Variants in PATL1 observed in about 807,000 individuals in gnomAD.
PATL1 encodes the protein PAT1 homolog 1, processing body mRNA decay factor.
PATL1 carries 32 observed loss-of-function variants against 100.6 expected under a neutral mutation model. That is an observed-to-expected ratio of 0.32 (90% CI 0.24 to 0.43). The LOEUF is 0.43. Among genes scored for constraint, PATL1 ranks in the 20% least tolerant of loss-of-function variants. PATL1 has a pLI of 1.00. For missense variants in PATL1, 747 were observed against 949.9 expected, an observed-to-expected ratio of 0.79 and a Z score of 2.81; for synonymous variants, 332 against 330.0, an observed-to-expected ratio of 1.01 and a Z score of -0.07.
chr11:59,668,851 G>T, intron 1 of PATL1, 30 bp downstream of exon 1: 16 of 1,188,720 alleles, frequency 1.3e-5, no homozygotes, highest in Non-Finnish European at 1.7e-5. Context: ...GGGAGGGAGG[G>T]AGGGGTCACT....
intron 4 of PATL1, among the ~76,000 whole-genome samples, chr11:59,658,345 T>A (rs1861570257): frequency 6.6e-6 from 1 of 150,582 alleles, no homozygotes; most frequent in Non-Finnish European, 1.5e-5. Flanking sequence ...TGAGACAGAG[T>A]CTCACTCTGT....
chr11:59,656,866 G>C (rs1021008091), intron 5 of PATL1, among the ~76,000 whole-genome samples: 2 of 152,200 alleles, frequency 1.3e-5, no homozygotes, highest in Admixed American at 1.3e-4. Context: ...GATACCAGCA[G>C]ATATTCTGAC....
intron 12 of PATL1, among the ~76,000 whole-genome samples, chr11:59,651,245 C>T (rs1311216121): frequency 1.3e-5 from 2 of 152,112 alleles, no homozygotes; most frequent in Non-Finnish European, 2.9e-5. Flanking sequence ...TCCTGAAAAT[C>T]TTAAAACACA....
intron 9 of PATL1, 59 bp from the exon 10 acceptor site, chr11:59,653,077 C>A: frequency 2.1e-6 from 3 of 1,408,196 alleles, no homozygotes. Flanking sequence ...TTTTTAACAA[C>A]AGAGGAATAA....
rs1364144100 is a variant in PATL1, at chr11:59,655,731, C to T, written c.823G>A (p.Gly275Arg). The change falls in exon 8 of 19, where the codon GGA (glycine) becomes AGA (arginine). Residue 275 changes from glycine (G) to arginine (R), a missense_variant. Gly to Arg is a moderately radical substitution (Grantham distance 125). Around this residue, in one of 4 missense-constraint regions of PATL1, gnomAD observed 127 missense variants for 116.0 expected, o/e 1.09. Coordinates refer to ENST00000300146, the MANE Select transcript of PATL1 (RefSeq NM_152716.3). ...GCAAACTGGCTGGGAGACATCCGTCCAGGCTGTAGCTACAAAGAGGAAGAA... is the reference window on the plus strand; with the variant it reads ...GCAAACTGGCTGGGAGACATCCGTCTAGGCTGTAGCTACAAAGAGGAAGAA... ...QLLGGAQLQP[G>R]RMSPSQFARV... The T allele has an allele frequency of 3.1e-6, 5 of 1,590,564 alleles. No individual in the cohort carries two copies. The highest frequency in any genetic ancestry group is 4.3e-6 in the Non-Finnish European group (5 of 1,168,302).
chr11:59,656,098 A>G (rs1861528347), intron 6 of PATL1, 53 bp from the exon 7 acceptor site: 7 of 1,074,138 alleles, frequency 6.5e-6, no homozygotes, highest in African/African-American at 1.6e-5. Flanking sequence ...CAGGGGGTAC[A>G]TCATAATAAG....
chr11:59,645,363 A>G, intron 15 of PATL1, among the ~76,000 whole-genome samples: 1 of 142,216 alleles, frequency 7.0e-6, no homozygotes, highest in East Asian at 2.0e-4. Flanking sequence ...GCGGCCAGGC[A>G]GAGGTGCCCC....
rs746089908 is a variant in PATL1 at position 59,658,163 on chromosome 11, C to CA, written c.427-440dup. ...TGGTTGACACAGCAAGACCTGGTCTCAAAAAAAAAAAAAAGAAAGAAAGAG... is the reference window on the plus strand; with the variant it reads ...TGGTTGACACAGCAAGACCTGGTCTCAAAAAAAAAAAAAAAGAAAGAAAGAG... On this transcript the variant is annotated intron_variant, in intron 4 of 18. Coordinates refer to ENST00000300146, the MANE Select transcript of PATL1 (RefSeq NM_152716.3). Among the ~76,000 whole-genome samples the CA allele has an allele frequency of 1.4e-3, 155 of 107,898 alleles. 1 individual carries two copies. Among genetic ancestry groups the CA allele is most frequent in the Middle Eastern group, 9.1e-3 (2 of 220 alleles). 70.8% of individuals were successfully genotyped at this position (107,898 alleles called of 152,430 possible).
chr11:59,667,038 A>C, intron 1 of PATL1, 74 bp from the exon 2 acceptor site: 1 of 1,487,512 alleles, frequency 6.7e-7, no homozygotes, highest in Non-Finnish European at 8.9e-7. Flanking sequence ...AAAAATGTTC[A>C]TCTTACCTTC....
chr11:59,651,532 G>A lies in PATL1; in HGVS notation c.1524+12C>T. On this transcript the variant is annotated intron_variant, in intron 12 of 18. Transcript: ENST00000300146. The stretch of plus-strand genomic sequence containing the variant: ...CAGACGTTCTTAAACAGACAATTGT[G>A]TTGACACTTACATCATCCTCACTCC... The A allele has an allele frequency of 6.3e-7, 1 of 1,587,832 alleles. No homozygotes were observed.
intron 14 of PATL1, among the ~76,000 whole-genome samples, chr11:59,648,801 G>A (rs1034463486): frequency 4.6e-5 from 7 of 152,064 alleles, no homozygotes; most frequent in Admixed American, 2.6e-4. Context: ...CTCCAGACAC[G>A]GTGTGTTGAA....
chr11:59,647,810 G>A lies in PATL1; in HGVS notation c.1837C>T (p.Leu613Phe), dbSNP rs1205677053. Residue 613 changes from leucine to phenylalanine, a missense_variant, in exon 15 of 19, where the codon CTC (leucine) becomes TTC (phenylalanine). Coordinates refer to ENST00000300146, the MANE Select transcript of PATL1 (RefSeq NM_152716.3). ...FLSTEQAADI[L>F]MTTARNLPFL... is the part of the protein sequence containing the mutation. ...GGGAGGTTCCTGGCTGTTGTCATGAGAATGTCAGCTGCTTGCTCTGTGGAG... is the reference window on the plus strand; with the variant it reads ...GGGAGGTTCCTGGCTGTTGTCATGAAAATGTCAGCTGCTTGCTCTGTGGAG... The A allele has an allele frequency of 2.4e-5, 39 of 1,613,826 alleles. No homozygotes were observed. Among genetic ancestry groups the A allele is most frequent in the Non-Finnish European group, 3.2e-5 (38 of 1,179,870 alleles).
Position 59,638,203 on chromosome 11 carries a change from A to T in PATL1, c.*187T>A, listed in dbSNP as rs115437866. 1,505 of 623,484 alleles carry T rather than the reference A, an allele frequency of 2.4e-3. 21 individuals carry two copies. The highest frequency in any genetic ancestry group is 0.023 in the African/African-American group (1,269 of 54,336). 38.6% of individuals were successfully genotyped at this position (623,484 alleles called of 1,614,324 possible). On this transcript the variant is annotated 3_prime_UTR_variant, in exon 19 of 19. Coordinates refer to ENST00000300146, the MANE Select transcript of PATL1 (RefSeq NM_152716.3). Reference sequence around the variant, plus strand: ...AACCAGCAGAAGTATCACCCAGCCAAATTTCATAGAGCAGTGGGGAAATAT... The same window carrying T: ...AACCAGCAGAAGTATCACCCAGCCATATTTCATAGAGCAGTGGGGAAATAT...
chr11:59,654,259 T>C lies in PATL1; in HGVS notation c.1032-187A>G, dbSNP rs570425772. On this transcript the variant is annotated intron_variant, in intron 8 of 18. Transcript: ENST00000300146. ...TGGGAGGCCAAGGCAGGTGGAACAC[T>C]TGAGGTCAGGAGTTCGAGACCAGCC... Among the ~76,000 whole-genome samples, 6 of 152,098 alleles carry C rather than the reference T, an allele frequency of 3.9e-5. No individual in the cohort carries two copies. In the South Asian group the frequency reaches 1.2e-3, roughly 32 times the overall value.
intron 7 of PATL1, 63 bp from the exon 8 acceptor site, chr11:59,655,803 G>T: frequency 1.4e-6 from 2 of 1,462,270 alleles, no homozygotes; most frequent in Non-Finnish European, 1.9e-6. Flanking sequence ...TTTGTCTACA[G>T]AAAAGTGAAT....
At chr11:59,651,673 A>G (rs753827480) in intron 11 of PATL1, 32 bp from the exon 12 acceptor site, 12 of 1,443,188 alleles carry the variant, frequency 8.3e-6, no homozygotes, top group African/African-American at 2.8e-5. Context: ...AAATTCCAAC[A>G]AAATAAAAAG....
chr11:59,643,141 A>C (rs1861311561), intron 15 of PATL1, 106 bp from the exon 16 acceptor site: 1 of 1,217,328 alleles, frequency 8.2e-7, no homozygotes, highest in African/African-American at 1.5e-5. Context: ...CAACCACTTA[A>C]GGCACAAGTC....
At position 59,655,759 on chromosome 11, in the gene PATL1, T is replaced by C. The variant is rs1410687276; in HGVS notation, c.814-19A>G. The C allele has an allele frequency of 1.3e-6, 2 of 1,561,534 alleles. No homozygotes were observed. Among genetic ancestry groups the C allele is most frequent in the Admixed American group, 3.8e-5 (2 of 52,686 alleles). ...GCTGTAGCTACAAAGAGGAAGAAGATCTTAGATTTAGACAATCAGCAAGTC... is the reference window on the plus strand; with the variant it reads ...GCTGTAGCTACAAAGAGGAAGAAGACCTTAGATTTAGACAATCAGCAAGTC... On this transcript the variant is annotated intron_variant, in intron 7 of 18. Coordinates refer to ENST00000300146, the MANE Select transcript of PATL1 (RefSeq NM_152716.3).
In PATL1 at chr11:59,653,003, G is replaced by A. The variant is rs752450949; in HGVS notation, c.1137C>T (p.Leu379=). Residue 379 remains leucine, a synonymous_variant, in exon 10 of 19, where the codon CTC becomes CTT. Coordinates refer to ENST00000300146, the MANE Select transcript of PATL1 (RefSeq NM_152716.3). ...QQQNRSQHRN[L]NGAGDRGSHR... The stretch of plus-strand genomic sequence containing the variant: ...GACTTCCTCTATCTCCCGCACCATT[G>A]AGATTCCGATGCTGACTGAAAAACA... 3.4e-5 allele frequency: 55 copies of A among 1,611,994 alleles called. No individual in the cohort carries two copies. The highest frequency in any genetic ancestry group is 4.5e-5 in the Non-Finnish European group (53 of 1,178,596).
Sources: gnomAD v4.1 joint callset for allele counts (sites outside exome capture counted in the v4.1 genomes callset) on GRCh38, gnomAD v4.1.1 for gene constraint, gnomAD v4.1.1 regional missense constraint, MANE v1.5 for transcripts, NCBI Gene and HGNC (gene_info 2026-07-23, HGNC 2026-07-21) for gene names.